Variants in FAT4 observed in about 807,000 individuals in gnomAD.
FAT4 encodes the protein protocadherin Fat 4.
A neutral mutation model predicts 303.9 loss-of-function variants in FAT4; 84 were observed. The ratio of observed to expected loss-of-function variants is 0.28; its 90% CI spans 0.23 to 0.33. FAT4 has a LOEUF of 0.33. Among genes scored for constraint, FAT4 ranks in the 10% least tolerant of loss-of-function variants. The pLI is 1.00. For synonymous variants in FAT4, 2,307 were observed against 2,298.8 expected (o/e 1.00, Z -0.10); for missense variants, 6,005 against 6,146.8 (o/e 0.98, Z 0.77).
chr4:125,385,873 C>T (rs1424685268), intron 2 of FAT4, among the ~76,000 whole-genome samples: 2 of 152,098 alleles, frequency 1.3e-5, no homozygotes, highest in East Asian at 1.9e-4. Context: ...TCTTATTCCA[C>T]TAAAAATGTT....
chr4:125,321,357 T>C lies in FAT4; in HGVS notation c.4946T>C (p.Ile1649Thr), dbSNP rs923202662. 6.2e-7 allele frequency: 1 copy of C among 1,614,040 alleles called. No homozygotes were observed. The highest frequency in any genetic ancestry group is 8.5e-7 in the Non-Finnish European group (1 of 1,180,018). ...GGAGAACCCATTGGCACAAACGTGA[T>C]ATCAATAGAAGCAGCTAGCCCCAGA... ...KEGEPIGTNV[I>T]SIEAASPRGS... Residue 1649 changes from isoleucine to threonine, a missense_variant, in exon 2 of 18, where the codon ATA becomes ACA. By Grantham distance (89) the Ile-to-Thr change is moderately conservative. Coordinates refer to ENST00000394329, the MANE Select transcript of FAT4 (RefSeq NM_001291303.3).
chr4:125,355,007 T>C (rs772984927), intron 2 of FAT4, among the ~76,000 whole-genome samples: 1 of 151,822 alleles, frequency 6.6e-6, no homozygotes, highest in Non-Finnish European at 1.5e-5. Context: ...ATTTTTTAAA[T>C]TTAGACATGA....
intron 8 of FAT4, among the ~76,000 whole-genome samples, chr4:125,436,171 C>G (rs1177617204): frequency 7.3e-6 from 1 of 136,730 alleles, no homozygotes; most frequent in African/African-American, 2.7e-5. Flanking sequence ...GCACATGTAC[C>G]CTAGAACTTA....
At chr4:125,415,897 G>A (rs1484980479) in intron 6 of FAT4, 91 bp downstream of exon 6, 1 of 959,856 alleles carries the variant, frequency 1.0e-6, no homozygotes, top group Non-Finnish European at 1.5e-6. Context: ...CGCTTCCCCT[G>A]TTCTCTCCTC....
chr4:125,419,047 C>T (rs1419652798), intron 7 of FAT4, among the ~76,000 whole-genome samples: 3 of 152,148 alleles, frequency 2.0e-5, no homozygotes, highest in Non-Finnish European at 4.4e-5. Context: ...AGTTAAACCC[C>T]AGTTCACATC....
At chr4:125,368,236 C>A (rs953950849) in intron 2 of FAT4, among the ~76,000 whole-genome samples, 5 of 151,964 alleles carry the variant, frequency 3.3e-5, no homozygotes, top group Non-Finnish European at 7.4e-5. Flanking sequence ...GGAAATAAAG[C>A]ATTTGATTGA....
At chr4:125,332,227 T>A (rs2125958967) in intron 2 of FAT4, among the ~76,000 whole-genome samples, 1 of 151,978 alleles carries the variant, frequency 6.6e-6, no homozygotes, top group South Asian at 2.1e-4. Flanking sequence ...CATTTTTATG[T>A]TCATTTTAAG....
intron 12 of FAT4, among the ~76,000 whole-genome samples, chr4:125,469,602 T>C (rs1258611540): frequency 6.6e-6 from 1 of 152,232 alleles, no homozygotes; most frequent in African/African-American, 2.4e-5. Flanking sequence ...AGTTGTATCT[T>C]AATAAACCGC....
At chr4:125,489,424 G>T (rs902685993) in intron 17 of FAT4, among the ~76,000 whole-genome samples, 10 of 152,132 alleles carry the variant, frequency 6.6e-5, no homozygotes, top group Admixed American at 4.6e-4. Flanking sequence ...TGCTCCCCAA[G>T]AACCTATGTT....
At chr4:125,371,472 T>G (rs1285444059) in intron 2 of FAT4, among the ~76,000 whole-genome samples, 1 of 151,830 alleles carries the variant, frequency 6.6e-6, no homozygotes, top group Non-Finnish European at 1.5e-5. Flanking sequence ...TAGGGTATCT[T>G]CCTAGAGTCT....
intron 7 of FAT4, among the ~76,000 whole-genome samples, chr4:125,421,142 C>T (rs1294017475): frequency 2.6e-5 from 4 of 152,122 alleles, no homozygotes; most frequent in East Asian, 1.9e-4. Flanking sequence ...AGGCTGGTCT[C>T]GAACCCCTGA....
Position 125,405,453 on chromosome 4 carries a change from T to G in FAT4, c.5308-1427T>G, listed in dbSNP as rs111836587. Among the ~76,000 whole-genome samples the G allele has an allele frequency of 3.4e-3, 510 of 152,220 alleles. 2 individuals carry two copies. Among genetic ancestry groups the G allele is most frequent in the African/African-American group, 0.012 (488 of 41,568 alleles). ...ACAGGTGTGAGGTGATTTCTCATTG[T>G]GGTTTTGATTTGCATTTCCCTGATG... On this transcript the variant is annotated intron_variant, in intron 3 of 17. Transcript: ENST00000394329.
intron 5 of FAT4, among the ~76,000 whole-genome samples, chr4:125,409,769 A>G (rs373475385): frequency 1.2e-4 from 19 of 152,306 alleles, no homozygotes; most frequent in East Asian, 1.2e-3. Context: ...TACATATCAT[A>G]TAATATAGCA....
Position 125,331,748 on chromosome 4 carries a change from A to G in FAT4, c.5175+10162A>G, listed in dbSNP as rs372327504. Among the ~76,000 whole-genome samples, 8 of 152,336 alleles carry G rather than the reference A, an allele frequency of 5.3e-5. 1 individual carries two copies. The East Asian group carries it at 7.7e-4, about 15-fold the overall frequency. On this transcript the variant is annotated intron_variant, in intron 2 of 17. Transcript: ENST00000394329. The stretch of plus-strand genomic sequence containing the variant: ...AATACATAGAAACTTTGAAAACATT[A>G]CTACTTTTAATATTGATAACTTTAA...
rs1730634542 is a variant in FAT4, at chr4:125,317,013, A to G, written c.602A>G (p.His201Arg). The change falls in exon 2 of 18, where the codon CAT becomes CGT. Residue 201 changes from histidine to arginine, a missense_variant. His to Arg is a conservative substitution (Grantham distance 29, BLOSUM62 0). Transcript: ENST00000394329. This position sits in a 1 kb window ranked among gnomAD's most constrained non-coding sequence, Gnocchi z 7.0. ...LNPSGEGAFL[H>R]LVSKGGLDRE... is the part of the protein sequence containing the mutation. ...CCGAGCGGCGAGGGAGCGTTCCTGC[A>G]TCTGGTGTCCAAGGGCGGACTGGAC... The G allele has an allele frequency of 2.5e-6, 4 of 1,614,068 alleles. No homozygotes were observed. Among genetic ancestry groups the G allele is most frequent in the Non-Finnish European group, 3.4e-6 (4 of 1,180,010 alleles).
intron 2 of FAT4, among the ~76,000 whole-genome samples, chr4:125,364,367 A>G (rs1024675093): frequency 1.3e-5 from 2 of 152,120 alleles, no homozygotes; most frequent in Admixed American, 6.6e-5. Context: ...TATGTGCTGG[A>G]CCTAGAAATT....
intron 2 of FAT4, among the ~76,000 whole-genome samples, chr4:125,377,606 G>A (rs1479017509): frequency 1.3e-5 from 2 of 152,006 alleles, no homozygotes; most frequent in Non-Finnish European, 2.9e-5. Context: ...TTGTTCTGAA[G>A]AATCATGCAC....
chr4:125,363,002 A>T (rs1027114691), intron 2 of FAT4: 2 of 152,198 alleles, frequency 1.3e-5, no homozygotes, highest in Admixed American at 6.5e-5. Context: ...TGGATGGTTT[A>T]TATAAATGTG....
At chr4:125,469,917 G>T (rs1726799802) in intron 12 of FAT4, among the ~76,000 whole-genome samples, 2 of 152,022 alleles carry the variant, frequency 1.3e-5, no homozygotes, top group Admixed American at 6.6e-5. Flanking sequence ...AATTTACTTT[G>T]CCCAGACCTA....
Sources: allele counts gnomAD v4.1 joint callset (sites outside exome capture counted in the v4.1 genomes callset), GRCh38; gene constraint gnomAD v4.1.1; non-coding constraint Gnocchi (gnomAD v3.1); transcripts MANE v1.5; gene names NCBI Gene and HGNC (gene_info 2026-07-23, HGNC 2026-07-21).